The following TPP2 variants were observed in gnomAD, a reference collection of about 807,000 sequenced individuals.
The protein encoded by TPP2 is tripeptidyl peptidase 2.
In TPP2, 34 loss-of-function variants were observed where a neutral mutation model predicts 155.9. The observed-to-expected ratio is 0.22, with a 90% CI of 0.17 to 0.29. TPP2 has a LOEUF of 0.29. Ranked by LOEUF, TPP2 falls within the 10% of genes least tolerant of loss-of-function variation. The pLI is 1.00. For missense variants in TPP2, 1,028 were observed against 1,522.3 expected, an observed-to-expected ratio of 0.68 and a Z score of 5.40; for synonymous variants, 510 against 529.4, an observed-to-expected ratio of 0.96 and a Z score of 0.50.
At chr13:102,661,701 A>G (rs2139584507) in intron 25 of TPP2, among the ~76,000 whole-genome samples, 1 of 152,314 alleles carries the variant, frequency 6.6e-6, no homozygotes, top group East Asian at 1.9e-4. Context: ...GTCTTCAGGG[A>G]AATGCACATC....
At chr13:102,614,034 C>T (rs1411850219) in intron 2 of TPP2, 67 bp from the exon 3 acceptor site, 13 of 1,386,866 alleles carry the variant, frequency 9.4e-6, no homozygotes, top group African/African-American at 1.4e-5. Flanking sequence ...CTTTTTTGCT[C>T]AGTAGTGTAT....
intron 28 of TPP2, among the ~76,000 whole-genome samples, chr13:102,676,072 C>T (rs1408926995): frequency 6.6e-6 from 1 of 152,044 alleles, no homozygotes; most frequent in African/African-American, 2.4e-5. Context: ...CTAATAATTT[C>T]TCATATTAGT....
At chr13:102,631,522 C>G (rs1882017939) in intron 10 of TPP2, 1 of 152,198 alleles carries the variant, frequency 6.6e-6, no homozygotes, top group Non-Finnish European at 1.5e-5. Context: ...TAAACTTATT[C>G]TCTTCTAAAA....
chr13:102,622,735 A>G (rs1566331829), intron 5 of TPP2, 142 bp from the exon 6 acceptor site: 1 of 914,068 alleles, frequency 1.1e-6, no homozygotes, highest in Non-Finnish European at 1.6e-6. Context: ...TCTAAGAAAC[A>G]GGCTAAACCA....
intron 15 of TPP2, among the ~76,000 whole-genome samples, chr13:102,638,621 C>A (rs555957070): frequency 1.3e-5 from 2 of 152,308 alleles, no homozygotes; most frequent in East Asian, 3.9e-4. Context: ...TGACCCGATC[C>A]CACTGTAGTA....
chr13:102,621,932 G>A (rs1881198136), intron 5 of TPP2, among the ~76,000 whole-genome samples: 2 of 152,164 alleles, frequency 1.3e-5, no homozygotes, highest in Non-Finnish European at 2.9e-5. Flanking sequence ...TTTAATATGT[G>A]ACTTGTTTGC....
At chr13:102,602,142 T>A (rs974391827) in intron 1 of TPP2, among the ~76,000 whole-genome samples, 2 of 152,222 alleles carry the variant, frequency 1.3e-5, no homozygotes, top group Non-Finnish European at 2.9e-5. Flanking sequence ...TCAAATTTCA[T>A]ATTGGAATAC....
At chr13:102,598,821 T>G (rs944573749) in intron 1 of TPP2, among the ~76,000 whole-genome samples, 1 of 152,204 alleles carries the variant, frequency 6.6e-6, no homozygotes. Context: ...GTAACAATAA[T>G]TTTCACCCCA....
intron 5 of TPP2, among the ~76,000 whole-genome samples, chr13:102,619,503 G>A (rs933388714): frequency 9.2e-5 from 14 of 151,708 alleles, no homozygotes; most frequent in African/African-American, 2.9e-4. Flanking sequence ...TGTAGTCTGC[G>A]TCCCTGCTTA....
chr13:102,669,998 T>G (rs79879391), intron 27 of TPP2, among the ~76,000 whole-genome samples: 12 of 152,294 alleles, frequency 7.9e-5, no homozygotes, highest in African/African-American at 2.9e-4. Context: ...ACCATATTGA[T>G]TGGCTGAGCA....
chr13:102,601,384 A>G (rs1478512534), intron 1 of TPP2, among the ~76,000 whole-genome samples: 1 of 152,160 alleles, frequency 6.6e-6, no homozygotes, highest in Non-Finnish European at 1.5e-5. Flanking sequence ...CTCTCTGCAA[A>G]TGTCCTACCT....
rs912861815 is a variant in TPP2, at chr13:102,641,494, T to C, written c.2020+1118T>C. Reference sequence around the variant, plus strand: ...CTTAGGAGTGTGTTTTTTGTACTTGTATGAAAGTACAGATATATTTACATC... The same window carrying C: ...CTTAGGAGTGTGTTTTTTGTACTTGCATGAAAGTACAGATATATTTACATC... On this transcript the variant is annotated intron_variant, in intron 16 of 29. Transcript: ENST00000376052. Among the ~76,000 whole-genome samples the C allele has an allele frequency of 1.1e-4, 17 of 152,190 alleles. 1 individual carries two copies. Among genetic ancestry groups the C allele is most frequent in the Admixed American group, 9.8e-4 (15 of 15,284 alleles).
rs902970369 is a variant in TPP2 at position 102,620,291 on chromosome 13, A to G, written c.620+1445A>G. On this transcript the variant is annotated intron_variant, in intron 5 of 29. Transcript: ENST00000376052. ...GTTTAGAACTTTTGAGTTAGAAATG[A>G]AATTTAATCTAACATTAAGTGAAAT... Among the ~76,000 whole-genome samples the G allele has an allele frequency of 8.5e-5, 13 of 152,354 alleles. No homozygotes were observed. The South Asian group carries it at 1.0e-3, about 12-fold the overall frequency.
At chr13:102,621,762 G>A (rs190986990) in intron 5 of TPP2, among the ~76,000 whole-genome samples, 2 of 152,140 alleles carry the variant, frequency 1.3e-5, no homozygotes, top group East Asian at 1.9e-4. Context: ...GGGACTGTGC[G>A]GTTAGATGGG....
Position 102,630,100 on chromosome 13 carries a change from T to C in TPP2, c.1149T>C (p.Val383=), listed in dbSNP as rs372489919. The C allele has an allele frequency of 1.1e-4, 177 of 1,612,734 alleles. No homozygotes were observed. In the South Asian group the frequency reaches 1.8e-3, roughly 17 times the overall value. The change falls in exon 10 of 30, where the codon GTT becomes GTC. Residue 383 remains valine, a synonymous_variant. Coordinates refer to ENST00000376052, the MANE Select transcript of TPP2 (RefSeq NM_001330588.2). ...PGGTTSSVIG[V]GAYVSPDMMV... ...ATGATTAAATCCATCCCACAGGTGT[T>C]GGTGCTTATGTTTCTCCTGATATGA...
chr13:102,674,627 C>A, intron 28 of TPP2, 137 bp downstream of exon 28: 1 of 823,084 alleles, frequency 1.2e-6, no homozygotes, highest in Non-Finnish European at 1.9e-6. Flanking sequence ...ACATGTTTAG[C>A]CTAGTACTTC....
At chr13:102,608,377 A>AT (rs923882443) in intron 2 of TPP2, among the ~76,000 whole-genome samples, 14 of 151,540 alleles carry the variant, frequency 9.2e-5, no homozygotes, top group East Asian at 3.9e-4. Flanking sequence ...ATTTCCAAGA[A>AT]TTTTTTTTGC....
At chr13:102,610,377 C>T (rs1205181102) in intron 2 of TPP2, among the ~76,000 whole-genome samples, 5 of 152,042 alleles carry the variant, frequency 3.3e-5, no homozygotes, top group East Asian at 3.9e-4. Context: ...TATAGGCACC[C>T]GCCACCATGC....
rs1450744175 is a variant in TPP2, at chr13:102,622,754, T to C, written c.621-123T>C. On this transcript the variant is annotated intron_variant, in intron 5 of 29. Transcript: ENST00000376052. ...AGAAACAGGCTAAACCAGGCAGTCA[T>C]TATATTTATATTTGTTGTGGTAGAG... is the stretch of plus-strand genomic sequence containing the variant. 7.2e-6 allele frequency: 8 copies of C among 1,106,826 alleles called. No homozygotes were observed. The East Asian group carries it at 2.0e-4, about 28-fold the overall frequency. The allele number at this position is 1,106,826 out of a possible 1,614,324, so 68.6% of individuals were successfully genotyped here.
Sources: allele counts gnomAD v4.1 joint callset (sites outside exome capture counted in the v4.1 genomes callset), GRCh38; gene constraint gnomAD v4.1.1; transcripts MANE v1.5; gene names NCBI Gene and HGNC (gene_info 2026-07-23, HGNC 2026-07-21).